PGCKA1: variants seen among roughly 807,000 people sequenced by gnomAD.
PGCKA1 encodes PDCD10 and GCKIII kinases associated 1.
At chr4:37,590,802 A>G in the PGCKA1 span, 3 of 1,614,100 alleles carry the variant, frequency 1.9e-6, no homozygotes, top group Non-Finnish European at 2.5e-6. Flanking sequence ...TGGAAACAGA[A>G]GTTCTAAGCA....
chr4:37,557,520 T>C, the PGCKA1 span, among the ~76,000 whole-genome samples: 2,743 of 152,270 alleles, frequency 0.018, 92 homozygotes, highest in African/African-American at 0.063. Flanking sequence ...ATAACCATCG[T>C]TCGCTATAAC....
chr4:37,566,227 T>C, the PGCKA1 span, among the ~76,000 whole-genome samples: 1 of 152,110 alleles, frequency 6.6e-6, no homozygotes, highest in African/African-American at 2.4e-5. Context: ...GCACAACACC[T>C]ACACTACTTG....
the PGCKA1 span, among the ~76,000 whole-genome samples, chr4:37,458,743 C>T: frequency 6.6e-6 from 1 of 152,140 alleles, no homozygotes; most frequent in East Asian, 1.9e-4. Context: ...GAAGCCAGCT[C>T]AGATTCAAGG....
At chr4:37,556,959 A>C in the PGCKA1 span, among the ~76,000 whole-genome samples, 1 of 152,350 alleles carries the variant, frequency 6.6e-6, no homozygotes, top group Admixed American at 6.5e-5. Context: ...CCAAGTGAGA[A>C]GATTTCGCTG....
chr4:37,501,040 A>G, the PGCKA1 span, among the ~76,000 whole-genome samples: 1 of 152,170 alleles, frequency 6.6e-6, no homozygotes, highest in South Asian at 2.1e-4. Context: ...TGAAGACAGT[A>G]TACCACTGGG....
chr4:37,503,398 A>G, the PGCKA1 span, among the ~76,000 whole-genome samples: 15 of 152,222 alleles, frequency 9.9e-5, no homozygotes, highest in East Asian at 2.7e-3. Context: ...CCAGTCCCTC[A>G]GTGACAGCTG....
chr4:37,478,789 C>T, the PGCKA1 span, among the ~76,000 whole-genome samples: 2 of 152,204 alleles, frequency 1.3e-5, no homozygotes, highest in Non-Finnish European at 2.9e-5. Flanking sequence ...CCTCCCCCCT[C>T]TCAATATTTG....
At chr4:37,517,338 G>T in the PGCKA1 span, among the ~76,000 whole-genome samples, 17 of 149,658 alleles carry the variant, frequency 1.1e-4, no homozygotes, top group African/African-American at 4.1e-4. Context: ...GAGCACCTGT[G>T]TATATTTTTT....
At chr4:37,536,802 CT>C in the PGCKA1 span, among the ~76,000 whole-genome samples, 1 of 152,208 alleles carries the variant, frequency 6.6e-6, no homozygotes, top group Non-Finnish European at 1.5e-5. Flanking sequence ...TGTATTTGTT[CT>C]CTCTCTTGCT....
At chr4:37,543,395 G>A in the PGCKA1 span, among the ~76,000 whole-genome samples, 1 of 152,064 alleles carries the variant, frequency 6.6e-6, no homozygotes, top group Non-Finnish European at 1.5e-5. Context: ...TTCCTTTTCT[G>A]TACAGTGTTT....
the PGCKA1 span, among the ~76,000 whole-genome samples, chr4:37,572,482 C>A: frequency 1.3e-5 from 2 of 152,178 alleles, no homozygotes. Flanking sequence ...TGAACATCTA[C>A]CACATTTGCT....
the PGCKA1 span, among the ~76,000 whole-genome samples, chr4:37,521,298 G>C: frequency 6.6e-6 from 1 of 152,162 alleles, no homozygotes; most frequent in East Asian, 1.9e-4. Flanking sequence ...AGAACACCAG[G>C]TAGACATCTA....
At chr4:37,567,060 A>C in the PGCKA1 span, among the ~76,000 whole-genome samples, 1 of 140,456 alleles carries the variant, frequency 7.1e-6, no homozygotes, top group Admixed American at 7.1e-5. Flanking sequence ...AATCCAGCGG[A>C]CAAAAAAAAA....
At chr4:37,586,451 T>G in the PGCKA1 span, among the ~76,000 whole-genome samples, 3 of 152,106 alleles carry the variant, frequency 2.0e-5, no homozygotes, top group African/African-American at 7.2e-5. Context: ...GGAAAGAGGG[T>G]GGCAAGAGAT....
At chr4:37,579,352 T>C in the PGCKA1 span, among the ~76,000 whole-genome samples, 1 of 152,224 alleles carries the variant, frequency 6.6e-6, no homozygotes, top group Non-Finnish European at 1.5e-5. Flanking sequence ...TGCTTATGAT[T>C]ACCAGTGAGT....
At chr4:37,486,251 T>C in the PGCKA1 span, among the ~76,000 whole-genome samples, 2 of 152,252 alleles carry the variant, frequency 1.3e-5, no homozygotes, top group East Asian at 1.9e-4. Flanking sequence ...GATTTTTTTT[T>C]CCCTGATCTC....
At chr4:37,470,812 G>C in the PGCKA1 span, among the ~76,000 whole-genome samples, 9 of 152,046 alleles carry the variant, frequency 5.9e-5, no homozygotes. Flanking sequence ...ATCTTATTTT[G>C]CTTACCTAAG....
At chr4:37,457,534 T>A in the PGCKA1 span, among the ~76,000 whole-genome samples, 87 of 152,342 alleles carry the variant, frequency 5.7e-4, no homozygotes, top group African/African-American at 2.1e-3. Context: ...GTGGAGTAGA[T>A]GTCTACACAC....
chr4:37,487,545 G>A, the PGCKA1 span, among the ~76,000 whole-genome samples: 17,170 of 152,078 alleles, frequency 0.11, 1,149 homozygotes, highest in South Asian at 0.26. Flanking sequence ...AAATTTAAGT[G>A]TATTATTTGG....
Sources: gnomAD v4.1 joint callset for allele counts (sites outside exome capture counted in the v4.1 genomes callset) on GRCh38, gnomAD v4.1.1 for gene constraint, MANE v1.5 for transcripts, NCBI Gene and HGNC (gene_info 2026-07-23, HGNC 2026-07-21) for gene names.